Variants in TMEM168 observed in about 807,000 individuals in gnomAD.
TMEM168 encodes transmembrane protein 168.
Under a neutral mutation model 53.2 loss-of-function variants are expected in TMEM168, and 40 were observed. The observed-to-expected ratio is 0.75, with a 90% CI of 0.58 to 0.98. TMEM168 has a LOEUF of 0.98. Among genes scored for constraint, TMEM168 ranks in the 50% least tolerant of loss-of-function variants. TMEM168 has a pLI of 0.00. For missense variants in TMEM168, 771 were observed against 828.8 expected (o/e 0.93, Z 0.86); for synonymous variants, 282 against 293.0 (o/e 0.96, Z 0.38).
At position 112,784,090 on chromosome 7, in the gene TMEM168, G is replaced by A; in HGVS notation, c.736C>T (p.Leu246Phe). ...GGTTTCCATCTTTCAGTTACTGAAAGTCCACTAAAATAAATGTCAAGGAAA... is the reference window on the plus strand; with the variant it reads ...GGTTTCCATCTTTCAGTTACTGAAAATCCACTAAAATAAATGTCAAGGAAA... Reference protein sequence around the residue: ...DPFLDIYFSGLSVTERWKPFL... With the variant: ...DPFLDIYFSGFSVTERWKPFL... The change falls in exon 2 of 5, where the codon CTT becomes TTT. Residue 246 changes from leucine (L) to phenylalanine (F), a missense_variant. Physicochemically the swap from Leu to Phe is conservative, Grantham distance 22 (BLOSUM62 0). Transcript: ENST00000312814. 6.2e-7 allele frequency: 1 copy of A among 1,612,976 alleles called. No homozygotes were observed. The highest frequency in any genetic ancestry group is 8.5e-7 in the Non-Finnish European group (1 of 1,179,798).
Position 112,767,751 on chromosome 7 carries a change from A to C in TMEM168, c.1547-7T>G, listed in dbSNP as rs1362127964. ...AGGCGTAGTGTATCTCCACCTGTGA[A>C]CAAGAGAAAATTCAATGGAGCAATA... On this transcript the variant is annotated splice_polypyrimidine_tract_variant and splice_region_variant and intron_variant, in intron 4 of 4. Coordinates refer to ENST00000312814, the MANE Select transcript of TMEM168 (RefSeq NM_022484.6). 6.3e-7 allele frequency: 1 copy of C among 1,584,800 alleles called. No individual in the cohort carries two copies. Among genetic ancestry groups the C allele is most frequent in the East Asian group, 2.2e-5 (1 of 44,662 alleles).
chr7:112,775,998 AAGC>A (rs924808696), intron 2 of TMEM168, among the ~76,000 whole-genome samples: 1 of 151,826 alleles, frequency 6.6e-6, no homozygotes, highest in African/African-American at 2.4e-5. Flanking sequence ...TGCAATGAAA[AAGC>A]AGAAAAAATA....
At chr7:112,781,717 A>G (rs1328676946) in intron 2 of TMEM168, among the ~76,000 whole-genome samples, 1 of 151,890 alleles carries the variant, frequency 6.6e-6, no homozygotes, top group East Asian at 1.9e-4. Flanking sequence ...AAAAAAAAAC[A>G]AACTTAGATC....
chr7:112,767,160 T>A lies in TMEM168; in HGVS notation c.*37A>T. 6.4e-7 allele frequency: 1 copy of A among 1,565,594 alleles called. No homozygotes were observed. The highest frequency in any genetic ancestry group is 8.6e-7 in the Non-Finnish European group (1 of 1,157,328). On this transcript the variant is annotated 3_prime_UTR_variant, in exon 5 of 5. Transcript: ENST00000312814. The stretch of plus-strand genomic sequence containing the variant: ...ATGGCAAGTTAGTGATAATTGGTAG[T>A]ATGAGTGCTTATTAATATCCCGCTT...
chr7:112,767,434 T>C lies in TMEM168; in HGVS notation c.1857A>G (p.Ser619=), dbSNP rs1479360244. Residue 619 remains serine (S), a synonymous_variant, in exon 5 of 5, where the codon TCA becomes TCG. Transcript: ENST00000312814. ...GRTVKAVYGV[S]KRWSDYTLHL... Reference sequence around the variant, plus strand: ...GCAGAGTGTAGTCACTCCACCGTTTTGACACACCATATACTGCTTTCACTG... The same window carrying C: ...GCAGAGTGTAGTCACTCCACCGTTTCGACACACCATATACTGCTTTCACTG... 1 of 1,614,208 alleles carries C rather than the reference T, an allele frequency of 6.2e-7. No homozygotes were observed. The highest frequency in any genetic ancestry group is 8.5e-7 in the Non-Finnish European group (1 of 1,180,022).
rs770419021 is a variant in TMEM168 at position 112,767,392 on chromosome 7, G to A, written c.1899C>T (p.Ser633=). 99 of 1,613,962 alleles carry A rather than the reference G, an allele frequency of 6.1e-5. 1 individual carries two copies. In the Middle Eastern group the frequency reaches 1.5e-3, roughly 24 times the overall value. ...SDYTLHLPTG[S]DVAKHWMLHF... Reference sequence around the variant, plus strand: ...GTAACATCCAGTGCTTGGCCACATCGCTTCCCGTTGGCAAATGCAGAGTGT... The same window carrying A: ...GTAACATCCAGTGCTTGGCCACATCACTTCCCGTTGGCAAATGCAGAGTGT... Residue 633 remains serine, a synonymous_variant, in exon 5 of 5, where the codon AGC becomes AGT. Transcript: ENST00000312814.
At position 112,775,139 on chromosome 7, in the gene TMEM168, G is replaced by A. The variant is rs559504485; in HGVS notation, c.1271+37C>T. 10 of 1,493,292 alleles carry A rather than the reference G, an allele frequency of 6.7e-6. No individual in the cohort carries two copies. The African/African-American group carries it at 1.3e-4, about 19-fold the overall frequency. 92.5% of individuals were successfully genotyped at this position (1,493,292 alleles called of 1,614,324 possible). A position where few individuals can be genotyped will look rare whatever the true frequency, so the allele number is the denominator to read the frequency against. ...ATAAATATTAAGAAAATGTTATGAA[G>A]TGAATAGTTATCACTAACTATACTA... On this transcript the variant is annotated intron_variant, in intron 3 of 4. Coordinates refer to ENST00000312814, the MANE Select transcript of TMEM168 (RefSeq NM_022484.6).
Position 112,784,447 on chromosome 7 carries a change from G to C in TMEM168, c.379C>G (p.Leu127Val), listed in dbSNP as rs1386879295. The change falls in exon 2 of 5, where the codon CTT (leucine) becomes GTT (valine). Residue 127 changes from leucine to valine, a missense_variant. Coordinates refer to ENST00000312814, the MANE Select transcript of TMEM168 (RefSeq NM_022484.6). Reference protein sequence around the residue: ...DVKEESTKYLLLTSIVLRILC... With the variant: ...DVKEESTKYLVLTSIVLRILC... Reference sequence around the variant, plus strand: ...ATCCTTAACACTATGGATGTTAGAAGCAAATATTTGGTTGATTCTTCTTTT... The same window carrying C: ...ATCCTTAACACTATGGATGTTAGAACCAAATATTTGGTTGATTCTTCTTTT... 6.2e-7 allele frequency: 1 copy of C among 1,613,860 alleles called. No homozygotes were observed. The highest frequency in any genetic ancestry group is 1.3e-5 in the African/African-American group (1 of 74,908).
chr7:112,770,206 C>G (rs1254340716), intron 4 of TMEM168, among the ~76,000 whole-genome samples: 1 of 152,192 alleles, frequency 6.6e-6, no homozygotes, highest in Non-Finnish European at 1.5e-5. Context: ...CAGGCCAGGG[C>G]ATGAACTAAC....
intron 2 of TMEM168, among the ~76,000 whole-genome samples, chr7:112,782,652 G>C (rs890275739): frequency 6.6e-6 from 1 of 152,160 alleles, no homozygotes; most frequent in Non-Finnish European, 1.5e-5. Context: ...CAGCTGACTA[G>C]AAATCTAGCA....
intron 4 of TMEM168, among the ~76,000 whole-genome samples, chr7:112,770,338 G>C (rs1011332965): frequency 6.6e-6 from 1 of 152,150 alleles, no homozygotes; most frequent in Non-Finnish European, 1.5e-5. Context: ...CTTTCTCAGG[G>C]AAGGGAGATC....
At chr7:112,786,220 A>AC (rs1348263088) in intron 1 of TMEM168, among the ~76,000 whole-genome samples, 4 of 152,178 alleles carry the variant, frequency 2.6e-5, no homozygotes, top group Admixed American at 2.0e-4. Context: ...AACAAAAAAA[A>AC]CCCACGAGTT....
chr7:112,775,674 T>C (rs578120754), intron 2 of TMEM168, among the ~76,000 whole-genome samples: 1 of 152,014 alleles, frequency 6.6e-6, no homozygotes, highest in Admixed American at 6.6e-5. Context: ...ACAAATATCT[T>C]GTTAAAACCC....
chr7:112,780,458 G>A (rs1056213916), intron 2 of TMEM168, among the ~76,000 whole-genome samples: 5 of 152,030 alleles, frequency 3.3e-5, no homozygotes, highest in African/African-American at 1.2e-4. Context: ...ACTGAGTAAG[G>A]GATAAACTGG....
chr7:112,780,142 G>A (rs1432195947), intron 2 of TMEM168, among the ~76,000 whole-genome samples: 2 of 152,128 alleles, frequency 1.3e-5, no homozygotes, highest in African/African-American at 4.8e-5. Flanking sequence ...CCCAAGCTTC[G>A]GAGTTAGACT....
chr7:112,768,361 A>G (rs1241640297), intron 4 of TMEM168, among the ~76,000 whole-genome samples: 2 of 152,182 alleles, frequency 1.3e-5, no homozygotes, highest in African/African-American at 4.8e-5. Context: ...AAAGCCAAAA[A>G]TATCTGGCCC....
At chr7:112,777,096 C>G (rs2116264250) in intron 2 of TMEM168, among the ~76,000 whole-genome samples, 1 of 152,138 alleles carries the variant, frequency 6.6e-6, no homozygotes, top group African/African-American at 2.4e-5. Context: ...CAATGAAAGT[C>G]TTTTGTTGGT....
chr7:112,773,063 A>G lies in TMEM168; in HGVS notation c.1272-8T>C. On this transcript the variant is annotated splice_polypyrimidine_tract_variant and splice_region_variant and intron_variant, in intron 3 of 4. Transcript: ENST00000312814. ...GTTGGCTGACCATCAGGACTGAAGT[A>G]GGAGAAAAAACAAGAAGTACTCATT... 8 of 1,584,104 alleles carry G rather than the reference A, an allele frequency of 5.1e-6. No homozygotes were observed. The highest frequency in any genetic ancestry group is 6.9e-6 in the Non-Finnish European group (8 of 1,161,540).
At chr7:112,767,771 G>C in intron 4 of TMEM168, 27 bp from the exon 5 acceptor site, 1 of 1,557,250 alleles carries the variant, frequency 6.4e-7, no homozygotes, top group Non-Finnish European at 8.6e-7. Context: ...ATTCAATGGA[G>C]CAATAATTTC....
Sources: gnomAD v4.1 joint callset for allele counts (sites outside exome capture counted in the v4.1 genomes callset) on GRCh38, gnomAD v4.1.1 for gene constraint, MANE v1.5 for transcripts, NCBI Gene and HGNC (gene_info 2026-07-23, HGNC 2026-07-21) for gene names.